Variants in ROBO2 observed in about 807,000 individuals in gnomAD.
ROBO2 encodes the protein roundabout guidance receptor 2.
In ROBO2, 53 loss-of-function variants were observed where a neutral mutation model predicts 160.8. That is an observed-to-expected ratio of 0.33 (90% CI 0.26 to 0.41). The LOEUF (loss-of-function observed/expected upper bound fraction) is 0.41. Among genes scored for constraint, ROBO2 ranks in the 10% least tolerant of loss-of-function variants. ROBO2 has a pLI of 1.00. For synonymous variants in ROBO2, 664 were observed against 611.7 expected, an observed-to-expected ratio of 1.09 and a Z score of -1.26; for missense variants, 1,577 against 1,722.4, an observed-to-expected ratio of 0.92 and a Z score of 1.49.
At chr3:76,458,660 A>C (rs2077915058) in intron 2 of ROBO2, among the ~76,000 whole-genome samples, 1 of 152,178 alleles carries the variant, frequency 6.6e-6, no homozygotes, top group Non-Finnish European at 1.5e-5. Context: ...GACATATCCA[A>C]GACTGAGAAG....
At chr3:76,906,395 A>G (rs1355617306) in intron 2 of ROBO2, among the ~76,000 whole-genome samples, 1 of 151,940 alleles carries the variant, frequency 6.6e-6, no homozygotes, top group Non-Finnish European at 1.5e-5. Flanking sequence ...ATGCCCTAAT[A>G]GCAATAACGA....
chr3:77,524,591 G>A (rs1172096036), intron 6 of ROBO2, among the ~76,000 whole-genome samples: 1 of 151,348 alleles, frequency 6.6e-6, no homozygotes, highest in South Asian at 2.1e-4. Flanking sequence ...AAGCAGCAGG[G>A]TTTCTTTTAT....
chr3:76,613,401 T>C (rs2088301645), intron 2 of ROBO2, among the ~76,000 whole-genome samples: 1 of 152,170 alleles, frequency 6.6e-6, no homozygotes, highest in South Asian at 2.1e-4. Context: ...ATTCTGATTA[T>C]CTCAGTTTAA....
chr3:77,612,773 C>T (rs887610489), intron 21 of ROBO2, among the ~76,000 whole-genome samples: 18 of 151,886 alleles, frequency 1.2e-4, no homozygotes, highest in African/African-American at 4.1e-4. Context: ...GGTGAAACCC[C>T]GTCTCTACTA....
At chr3:77,185,377 G>A (rs2081189081) in intron 2 of ROBO2, among the ~76,000 whole-genome samples, 1 of 152,018 alleles carries the variant, frequency 6.6e-6, no homozygotes, top group East Asian at 1.9e-4. Context: ...TATTTTTGAA[G>A]GAGAGAAGAA....
chr3:76,616,733 G>T (rs2088614128), intron 2 of ROBO2, among the ~76,000 whole-genome samples: 2 of 152,124 alleles, frequency 1.3e-5, no homozygotes, highest in South Asian at 2.1e-4. Flanking sequence ...TCTAAGCCTT[G>T]AATTTAGAGA....
chr3:77,389,805 A>C (rs2074527533), intron 2 of ROBO2, among the ~76,000 whole-genome samples: 1 of 151,830 alleles, frequency 6.6e-6, no homozygotes, highest in Non-Finnish European at 1.5e-5. Context: ...TGGCTCACCC[A>C]CTTTGTATTC....
intron 2 of ROBO2, among the ~76,000 whole-genome samples, chr3:76,613,066 C>G (rs908428785): frequency 6.6e-6 from 1 of 152,034 alleles, no homozygotes; most frequent in Non-Finnish European, 1.5e-5. Flanking sequence ...TTCAGCCACT[C>G]TGTGTCTTTT....
intron 1 of ROBO2, among the ~76,000 whole-genome samples, chr3:77,074,487 T>G (rs1578740748): frequency 6.6e-6 from 1 of 152,314 alleles, no homozygotes; most frequent in Middle Eastern, 3.4e-3. Flanking sequence ...CAAGGCACAG[T>G]CTTTTCTAAC....
chr3:77,130,818 C>T (rs940568920), intron 2 of ROBO2, among the ~76,000 whole-genome samples: 5 of 152,088 alleles, frequency 3.3e-5, no homozygotes, highest in African/African-American at 9.7e-5. Context: ...AAAGTAATCG[C>T]CATGATTTTC....
chr3:76,283,136 G>GTGTATATATATA (rs1553695787), intron 2 of ROBO2, among the ~76,000 whole-genome samples: 1 of 63,540 alleles, frequency 1.6e-5, no homozygotes, highest in African/African-American at 4.4e-5. Context: ...ATATAAAACT[G>GTGTATATATATA]TATATATATA....
chr3:76,670,933 CTT>C (rs74310624), intron 2 of ROBO2, among the ~76,000 whole-genome samples: 51 of 143,688 alleles, frequency 3.5e-4, no homozygotes, highest in Middle Eastern at 3.6e-3. Flanking sequence ...GATGAACTTA[CTT>C]TTTTTTTTTT....
intron 2 of ROBO2, among the ~76,000 whole-genome samples, chr3:77,466,283 G>C (rs1242508991): frequency 6.6e-6 from 1 of 152,128 alleles, no homozygotes; most frequent in Admixed American, 6.6e-5. Context: ...CCCATATTTT[G>C]TGATGTGGAC....
At chr3:76,653,673 CT>C (rs1349971003) in intron 2 of ROBO2, among the ~76,000 whole-genome samples, 1 of 152,000 alleles carries the variant, frequency 6.6e-6, no homozygotes, top group African/African-American at 2.4e-5. Context: ...ATGCTAATAA[CT>C]CCATTAAACT....
At chr3:77,028,984 T>C (rs545531025) in intron 2 of ROBO2, among the ~76,000 whole-genome samples, 5 of 152,250 alleles carry the variant, frequency 3.3e-5, no homozygotes, top group Non-Finnish European at 7.3e-5. Context: ...TTGATCAGCA[T>C]ATCTACTGAT....
intron 2 of ROBO2, among the ~76,000 whole-genome samples, chr3:76,269,616 A>G (rs969025465): frequency 6.6e-6 from 1 of 151,512 alleles, no homozygotes; most frequent in Non-Finnish European, 1.5e-5. Context: ...AAATGAAAGG[A>G]ATGAGTAAAT....
At chr3:75,979,715 G>C (rs1354291761) in intron 2 of ROBO2, among the ~76,000 whole-genome samples, 4 of 151,518 alleles carry the variant, frequency 2.6e-5, no homozygotes, top group Non-Finnish European at 5.9e-5. Flanking sequence ...TTAGCATTCT[G>C]AAATTCAGAT....
chr3:76,283,688 T>C (rs898253688), intron 2 of ROBO2, among the ~76,000 whole-genome samples: 5 of 152,014 alleles, frequency 3.3e-5, no homozygotes, highest in Admixed American at 1.3e-4. Flanking sequence ...GTTCACTTTT[T>C]CGTCAAGAAA....
chr3:77,075,957 C>A (rs776040975), intron 1 of ROBO2, among the ~76,000 whole-genome samples: 1 of 151,654 alleles, frequency 6.6e-6, no homozygotes, highest in Non-Finnish European at 1.5e-5. Flanking sequence ...GGATTACAGG[C>A]GTGAGCCACC....
Sources: gnomAD v4.1 joint callset for allele counts (sites outside exome capture counted in the v4.1 genomes callset) on GRCh38, gnomAD v4.1.1 for gene constraint, MANE v1.5 for transcripts, NCBI Gene and HGNC (gene_info 2026-07-23, HGNC 2026-07-21) for gene names.